The following AGMO variants were observed in gnomAD, a reference collection of about 807,000 sequenced individuals.
The protein encoded by AGMO is glyceryl-ether monooxygenase.
In AGMO, 75 loss-of-function variants were observed where a neutral mutation model predicts 60.2. The ratio of observed to expected loss-of-function variants is 1.25; its 90% CI spans 1.03 to 1.51. AGMO has a LOEUF of 1.51. Ranked by LOEUF, AGMO falls within the 40% of genes most tolerant of loss-of-function variation. AGMO has a pLI of 0.00. For synonymous variants in AGMO, 261 were observed against 177.1 expected, an observed-to-expected ratio of 1.47 and a Z score of -3.76; for missense variants, 763 against 525.5, an observed-to-expected ratio of 1.45 and a Z score of -4.42.
chr7:15,321,901 A>G (rs947904275), intron 12 of AGMO, among the ~76,000 whole-genome samples: 13 of 152,080 alleles, frequency 8.5e-5, no homozygotes, highest in African/African-American at 2.9e-4. Context: ...TTGAGATATA[A>G]TAATGAAAAA....
intron 12 of AGMO, among the ~76,000 whole-genome samples, chr7:15,315,766 G>C (rs1272690335): frequency 6.6e-6 from 1 of 151,908 alleles, no homozygotes; most frequent in Non-Finnish European, 1.5e-5. Context: ...TGAGATAAGA[G>C]GAAAAGTCTC....
In AGMO at chr7:15,326,617, A is replaced by G. The variant is rs149760446; in HGVS notation, c.1263+38897T>C. On this transcript the variant is annotated intron_variant, in intron 12 of 12. Transcript: ENST00000342526. ...AATATTCATTCTTGGTGTTGACCATATATTTCTCTTACGTGTGCTTACAGT... is the reference window on the plus strand; with the variant it reads ...AATATTCATTCTTGGTGTTGACCATGTATTTCTCTTACGTGTGCTTACAGT... Among the ~76,000 whole-genome samples the G allele has an allele frequency of 6.0e-3, 915 of 152,284 alleles. 10 individuals carry two copies. Among genetic ancestry groups the G allele is most frequent in the Middle Eastern group, 0.017 (5 of 294 alleles).
intron 10 of AGMO, among the ~76,000 whole-genome samples, chr7:15,376,984 CAAGT>C (rs980278947): frequency 5.9e-5 from 9 of 152,040 alleles, no homozygotes; most frequent in East Asian, 1.9e-4. Flanking sequence ...ATACATAAAA[CAAGT>C]AAGTATTTAT....
chr7:15,462,173 A>G (rs189505567), intron 3 of AGMO, among the ~76,000 whole-genome samples: 1 of 152,312 alleles, frequency 6.6e-6, no homozygotes, highest in Admixed American at 6.5e-5. Flanking sequence ...TTCGGAGAAT[A>G]TCAGAAAGCT....
At chr7:15,449,386 A>T (rs1330424845) in intron 3 of AGMO, among the ~76,000 whole-genome samples, 1 of 151,980 alleles carries the variant, frequency 6.6e-6, no homozygotes, top group Non-Finnish European at 1.5e-5. Context: ...ATATACAGCC[A>T]TGTGCCACAT....
intron 9 of AGMO, 75 bp from the exon 10 acceptor site, chr7:15,385,637 T>C (rs544828174): frequency 4.7e-6 from 4 of 847,154 alleles, no homozygotes; most frequent in South Asian, 3.0e-5. Context: ...CTAAGAGATA[T>C]TTGAAAAAAG....
At chr7:15,462,340 C>T (rs1190632960) in intron 3 of AGMO, among the ~76,000 whole-genome samples, 2 of 152,118 alleles carry the variant, frequency 1.3e-5, no homozygotes, top group African/African-American at 4.8e-5. Context: ...TTAGAAAAAT[C>T]TAATAAAAGT....
chr7:15,250,230 G>A (rs1782890411), intron 12 of AGMO, among the ~76,000 whole-genome samples: 1 of 152,086 alleles, frequency 6.6e-6, no homozygotes, highest in African/African-American at 2.4e-5. Context: ...TTTTCTTAAT[G>A]ATAAAATTGG....
At chr7:15,198,558 C>T (rs1163126616), downstream of AGMO, among the ~76,000 whole-genome samples, 1 of 152,184 alleles carries the variant, frequency 6.6e-6, no homozygotes, top group Non-Finnish European at 1.5e-5. Context: ...GAGTTCAATT[C>T]ATGCAGAGCC....
At chr7:15,390,950 T>C (rs1340686259) in intron 6 of AGMO, 45 bp from the exon 7 acceptor site, 4 of 1,253,012 alleles carry the variant, frequency 3.2e-6, no homozygotes, top group African/African-American at 3.2e-5. Flanking sequence ...AAAATAGTTA[T>C]GCTTTTTGAG....
intron 3 of AGMO, among the ~76,000 whole-genome samples, chr7:15,529,037 A>T (rs1784204053): frequency 6.6e-6 from 1 of 152,126 alleles, no homozygotes. Flanking sequence ...ACACAAAAAG[A>T]CAAAAAAAAC....
At chr7:15,413,846 A>C (rs998684047) in intron 5 of AGMO, among the ~76,000 whole-genome samples, 2 of 152,180 alleles carry the variant, frequency 1.3e-5, no homozygotes, top group Non-Finnish European at 1.5e-5. Flanking sequence ...AAATAATAAC[A>C]GTTGAAAACT....
chr7:15,431,879 T>A lies in AGMO; in HGVS notation c.410-771A>T, dbSNP rs189515548. ...CAAAGAAGTGTGGTTTTTAAAAAAA[T>A]TTTTACAACAAATATGACACTGCAT... On this transcript the variant is annotated intron_variant, in intron 3 of 12. Coordinates refer to ENST00000342526, the MANE Select transcript of AGMO (RefSeq NM_001004320.2). Among the ~76,000 whole-genome samples the A allele has an allele frequency of 5.1e-3, 781 of 151,908 alleles. 6 individuals are homozygous for A. The highest frequency in any genetic ancestry group is 0.018 in the African/African-American group (741 of 41,526).
At chr7:15,415,077 C>T (rs903615339) in intron 5 of AGMO, among the ~76,000 whole-genome samples, 2 of 151,834 alleles carry the variant, frequency 1.3e-5, no homozygotes, top group African/African-American at 2.4e-5. Flanking sequence ...TTGTGATAGT[C>T]GAAGATTTCT....
intron 12 of AGMO, among the ~76,000 whole-genome samples, chr7:15,351,900 T>A (rs1296759730): frequency 6.6e-6 from 1 of 151,938 alleles, no homozygotes; most frequent in African/African-American, 2.4e-5. Context: ...ATGAATCATG[T>A]GGAATATTTA....
the AGMO span, among the ~76,000 whole-genome samples, chr7:15,158,214 C>T: frequency 1.2e-4 from 19 of 152,196 alleles, no homozygotes; most frequent in Middle Eastern, 3.4e-3. Flanking sequence ...AAGAACTTGG[C>T]TCTGTTACTA....
chr7:15,382,555 A>G (rs1016301117), intron 10 of AGMO, among the ~76,000 whole-genome samples: 3 of 152,206 alleles, frequency 2.0e-5, no homozygotes. Flanking sequence ...AATAAAATTA[A>G]CAAGATGCTG....
intron 3 of AGMO, among the ~76,000 whole-genome samples, chr7:15,441,013 T>C (rs1380375187): frequency 2.0e-5 from 3 of 152,214 alleles, no homozygotes; most frequent in Admixed American, 6.5e-5. Context: ...CCCTAGGCCA[T>C]GGGTCTGGCA....
At chr7:15,514,304 A>C (rs1218504361) in intron 3 of AGMO, among the ~76,000 whole-genome samples, 3 of 152,128 alleles carry the variant, frequency 2.0e-5, no homozygotes, top group African/African-American at 7.2e-5. Flanking sequence ...CACCTTAATC[A>C]CTTAGCACTA....
Sources: gnomAD v4.1 joint callset for allele counts (sites outside exome capture counted in the v4.1 genomes callset) on GRCh38, gnomAD v4.1.1 for gene constraint, MANE v1.5 for transcripts, NCBI Gene and HGNC (gene_info 2026-07-23, HGNC 2026-07-21) for gene names.